Variants in ZBTB20 observed in about 807,000 individuals in gnomAD.
ZBTB20 encodes the protein zinc finger and BTB domain containing 20.
Under a neutral mutation model 56.9 loss-of-function variants are expected in ZBTB20, and 9 were observed. That is an observed-to-expected ratio of 0.16 (90% CI 0.10 to 0.28). The LOEUF (loss-of-function observed/expected upper bound fraction) is 0.28, where lower values mean the gene tolerates loss of function less well. Among genes scored for constraint, ZBTB20 ranks in the 10% least tolerant of loss-of-function variants. ZBTB20 has a pLI of 1.00. For missense variants in ZBTB20, 655 were observed against 1,003.0 expected (o/e 0.65, Z 4.69); for synonymous variants, 417 against 420.7 (o/e 0.99, Z 0.11).
chr3:114,396,431 C>T (rs534755072), intron 7 of ZBTB20, among the ~76,000 whole-genome samples: 23 of 152,264 alleles, frequency 1.5e-4, no homozygotes, highest in Middle Eastern at 3.4e-3. Flanking sequence ...AAATGCTTAC[C>T]GTGTGGCAGG....
intron 7 of ZBTB20, among the ~76,000 whole-genome samples, chr3:114,427,529 T>C (rs2089778141): frequency 6.6e-6 from 1 of 152,238 alleles, no homozygotes; most frequent in South Asian, 2.1e-4. Context: ...AATGGATTAA[T>C]TAAGCCAAAG....
intron 2 of ZBTB20, among the ~76,000 whole-genome samples, chr3:114,992,349 C>T (rs1450381208): frequency 6.6e-6 from 1 of 151,908 alleles, no homozygotes; most frequent in African/African-American, 2.4e-5. Flanking sequence ...TAAAGATTAG[C>T]ATAAATAACC....
At chr3:114,882,252 G>A (rs1168943394) in intron 4 of ZBTB20, among the ~76,000 whole-genome samples, 2 of 151,860 alleles carry the variant, frequency 1.3e-5, no homozygotes, top group East Asian at 3.9e-4. Context: ...TCAAAACAAT[G>A]GTGAAATATC....
intron 1 of ZBTB20, among the ~76,000 whole-genome samples, chr3:115,138,008 GC>G (rs1361930697): frequency 6.6e-6 from 1 of 152,022 alleles, no homozygotes; most frequent in African/African-American, 2.4e-5. Context: ...CCATATTTAA[GC>G]CAGCTATTGG....
At chr3:114,502,489 A>G (rs924160035) in intron 6 of ZBTB20, among the ~76,000 whole-genome samples, 1 of 123,160 alleles carries the variant, frequency 8.1e-6, no homozygotes, top group Non-Finnish European at 1.7e-5. Context: ...CTGGATTATT[A>G]TAATGCTAAT....
At chr3:114,674,624 T>C (rs1439901571) in intron 6 of ZBTB20, among the ~76,000 whole-genome samples, 1 of 152,152 alleles carries the variant, frequency 6.6e-6, no homozygotes. Context: ...TCAAATTATT[T>C]TGTAAAATGT....
rs1023152243 is a variant in ZBTB20, at chr3:114,867,125, G to A, written c.-417+33179C>T. On this transcript the variant is annotated intron_variant, in intron 4 of 11. Transcript: ENST00000675478. The stretch of plus-strand genomic sequence containing the variant: ...TAAGAGCAAAGATAGGTCCAGATGA[G>A]GAGGATAATGTTCTGTGGGCACTCG... Among the ~76,000 whole-genome samples the A allele has an allele frequency of 7.2e-5, 11 of 152,134 alleles. 1 individual carries two copies. The highest frequency in any genetic ancestry group is 2.7e-4 in the African/African-American group (11 of 41,438).
intron 11 of ZBTB20, among the ~76,000 whole-genome samples, chr3:114,341,869 T>C (rs2079800611): frequency 6.6e-6 from 1 of 152,240 alleles, no homozygotes; most frequent in Admixed American, 6.5e-5. Flanking sequence ...ACTCTAGTCC[T>C]GGCCTTGTCA....
intron 6 of ZBTB20, among the ~76,000 whole-genome samples, chr3:114,598,637 C>G (rs1485287867): frequency 6.6e-6 from 1 of 151,914 alleles, no homozygotes; most frequent in Non-Finnish European, 1.5e-5. Context: ...TGTTTGAATT[C>G]TTCAAACATG....
chr3:114,747,445 T>A (rs2067126397), intron 5 of ZBTB20, among the ~76,000 whole-genome samples: 1 of 152,072 alleles, frequency 6.6e-6, no homozygotes, highest in Admixed American at 6.6e-5. Context: ...TACACACCTG[T>A]AATCCCAGTT....
intron 4 of ZBTB20, among the ~76,000 whole-genome samples, chr3:114,886,984 G>C (rs1198348419): frequency 6.6e-6 from 1 of 152,126 alleles, no homozygotes; most frequent in East Asian, 1.9e-4. Context: ...CAAGGTTGAG[G>C]GAGCAAAACT....
intron 6 of ZBTB20, among the ~76,000 whole-genome samples, chr3:114,526,171 G>C (rs1407945609): frequency 1.3e-5 from 2 of 151,978 alleles, no homozygotes; most frequent in Admixed American, 6.6e-5. Context: ...CACTCGATTT[G>C]CCCTTTGTCT....
rs2079529804 is a variant in ZBTB20 at position 114,338,311 on chromosome 3, G to C, written c.*694C>G. On this transcript the variant is annotated 3_prime_UTR_variant, in exon 12 of 12. Coordinates refer to ENST00000675478, the MANE Select transcript of ZBTB20 (RefSeq NM_001348800.3). ...AGTCTTCCTGGCTTCTGCTGCAAGAGGGGGATATGGAGAAGGTGGGCCAGG... is the reference window on the plus strand; with the variant it reads ...AGTCTTCCTGGCTTCTGCTGCAAGACGGGGATATGGAGAAGGTGGGCCAGG... 1 of 152,172 alleles carries C rather than the reference G, an allele frequency of 6.6e-6. No individual in the cohort carries two copies. Among genetic ancestry groups the C allele is most frequent in the Non-Finnish European group, 1.5e-5 (1 of 68,066 alleles). The allele number at this position is 152,172 out of a possible 1,614,324, so 9.4% of individuals were successfully genotyped here.
chr3:114,749,042 G>T (rs533025580), intron 5 of ZBTB20, among the ~76,000 whole-genome samples: 78 of 152,316 alleles, frequency 5.1e-4, no homozygotes, highest in Non-Finnish European at 7.4e-4. Flanking sequence ...GGAGGCACTC[G>T]ATGAGAAGTC....
At chr3:114,447,192 C>T (rs1311772256) in intron 7 of ZBTB20, among the ~76,000 whole-genome samples, 2 of 152,120 alleles carry the variant, frequency 1.3e-5, no homozygotes, top group Non-Finnish European at 2.9e-5. Flanking sequence ...ACAAAGGCAC[C>T]TTACTAACAC....
At chr3:114,810,771 G>C (rs551959319) in intron 4 of ZBTB20, among the ~76,000 whole-genome samples, 6 of 152,292 alleles carry the variant, frequency 3.9e-5, no homozygotes, top group Admixed American at 2.6e-4. Context: ...GCAGGAATCA[G>C]GGGCCTAGCT....
At chr3:115,025,870 TAA>T (rs2080402791) in intron 2 of ZBTB20, among the ~76,000 whole-genome samples, 1 of 148,742 alleles carries the variant, frequency 6.7e-6, no homozygotes, top group Admixed American at 6.7e-5. Flanking sequence ...TTTCTAAATA[TAA>T]GAGAAATATA....
At chr3:114,475,228 C>T (rs2040607008) in intron 7 of ZBTB20, among the ~76,000 whole-genome samples, 1 of 152,018 alleles carries the variant, frequency 6.6e-6, no homozygotes. Context: ...TCTGTATGCT[C>T]AAATCCTGCT....
intron 3 of ZBTB20, among the ~76,000 whole-genome samples, chr3:114,958,231 C>T (rs1447537336): frequency 6.6e-6 from 1 of 152,164 alleles, no homozygotes; most frequent in Non-Finnish European, 1.5e-5. Context: ...TGCTATTCTC[C>T]AGGCAAAATC....
Sources: gnomAD v4.1 joint callset for allele counts (sites outside exome capture counted in the v4.1 genomes callset) on GRCh38, gnomAD v4.1.1 for gene constraint, MANE v1.5 for transcripts, NCBI Gene and HGNC (gene_info 2026-07-23, HGNC 2026-07-21) for gene names.